Variants in CMIP observed in about 807,000 individuals in gnomAD.
The protein encoded by CMIP is c-Maf inducing protein.
Under a neutral mutation model 97.3 loss-of-function variants are expected in CMIP, and 13 were observed. The ratio of observed to expected loss-of-function variants is 0.13; its 90% CI spans 0.09 to 0.21. CMIP has a LOEUF of 0.21. Among genes scored for constraint, CMIP ranks in the 10% least tolerant of loss-of-function variants. The pLI is 1.00. For missense variants in CMIP, 847 were observed against 1,024.9 expected, an observed-to-expected ratio of 0.83 and a Z score of 2.37; for synonymous variants, 538 against 436.3, an observed-to-expected ratio of 1.23 and a Z score of -2.91.
At chr16:81,628,508 C>T (rs2092105341) in intron 3 of CMIP, among the ~76,000 whole-genome samples, 1 of 152,212 alleles carries the variant, frequency 6.6e-6, no homozygotes, top group African/African-American at 2.4e-5. Flanking sequence ...CTCCTCTTCT[C>T]CCTTTTTACT....
intron 1 of CMIP, among the ~76,000 whole-genome samples, chr16:81,560,981 G>A (rs564941496): frequency 1.3e-5 from 2 of 152,236 alleles, no homozygotes; most frequent in South Asian, 4.1e-4. Flanking sequence ...TCTTTTTGGA[G>A]ACAGTCTCCG....
chr16:81,545,631 C>T (rs907887577), intron 1 of CMIP, among the ~76,000 whole-genome samples: 9 of 152,164 alleles, frequency 5.9e-5, no homozygotes, highest in African/African-American at 1.9e-4. Flanking sequence ...CAGCACGGGG[C>T]GGACCTGCGA....
At chr16:81,490,388 G>T (rs1366394356) in intron 1 of CMIP, among the ~76,000 whole-genome samples, 5 of 152,228 alleles carry the variant, frequency 3.3e-5, no homozygotes. Flanking sequence ...GAGAGGCCAA[G>T]TTGGGCAAAT....
chr16:81,487,358 C>G (rs1003422930), intron 1 of CMIP, among the ~76,000 whole-genome samples: 1 of 152,234 alleles, frequency 6.6e-6, no homozygotes, highest in Admixed American at 6.5e-5. Flanking sequence ...CCGCTTCAAA[C>G]CTGGGTGGTC....
At chr16:81,583,579 G>C (rs973367684) in intron 1 of CMIP, among the ~76,000 whole-genome samples, 2 of 152,184 alleles carry the variant, frequency 1.3e-5, no homozygotes, top group African/African-American at 4.8e-5. Context: ...GACGTGGAGG[G>C]AGTGACTGAG....
intron 14 of CMIP, among the ~76,000 whole-genome samples, chr16:81,698,673 T>G (rs943794430): frequency 6.6e-6 from 1 of 152,160 alleles, no homozygotes; most frequent in African/African-American, 2.4e-5. Context: ...CTGAAGACAT[T>G]CATGTTGTAA....
intron 3 of CMIP, among the ~76,000 whole-genome samples, chr16:81,650,337 T>C (rs575228584): frequency 6.6e-6 from 1 of 151,906 alleles, no homozygotes; most frequent in Non-Finnish European, 1.5e-5. Flanking sequence ...TGATGTGCAA[T>C]GGGTGAATGG....
chr16:81,541,184 C>T (rs540997191), intron 1 of CMIP, among the ~76,000 whole-genome samples: 2 of 152,274 alleles, frequency 1.3e-5, no homozygotes, highest in Middle Eastern at 3.4e-3. Context: ...GTTCCTACCC[C>T]ATATCCCATC....
intron 1 of CMIP, among the ~76,000 whole-genome samples, chr16:81,511,551 C>T (rs907308986): frequency 1.3e-5 from 2 of 152,158 alleles, no homozygotes; most frequent in African/African-American, 4.8e-5. Context: ...AGATTTCCTG[C>T]ATACCTTGTG....
chr16:81,565,628 AC>A (rs1374834145), intron 1 of CMIP, among the ~76,000 whole-genome samples: 2 of 152,116 alleles, frequency 1.3e-5, no homozygotes, highest in African/African-American at 4.8e-5. Context: ...CCTAGTACAC[AC>A]ATGGCAGCCT....
intron 10 of CMIP, among the ~76,000 whole-genome samples, chr16:81,681,114 G>C (rs1372885696): frequency 6.6e-6 from 1 of 152,188 alleles, no homozygotes; most frequent in Non-Finnish European, 1.5e-5. Flanking sequence ...GTTCCCGATG[G>C]GGCTACGCAG....
At chr16:81,610,523 C>A in intron 2 of CMIP, 5 of 985,550 alleles carry the variant, frequency 5.1e-6, no homozygotes, top group Non-Finnish European at 4.8e-6. Flanking sequence ...CCCAACCCTT[C>A]CCCCAAGGGG....
intron 8 of CMIP, 99 bp downstream of exon 8, chr16:81,670,344 T>G (rs2092670477): frequency 3.2e-6 from 4 of 1,269,572 alleles, no homozygotes; most frequent in Non-Finnish European, 4.4e-6. Flanking sequence ...TGTAATTAAA[T>G]GAAGACTCCC....
intron 1 of CMIP, among the ~76,000 whole-genome samples, chr16:81,452,830 G>A (rs1906304417): frequency 6.6e-6 from 1 of 150,986 alleles, no homozygotes; most frequent in Non-Finnish European, 1.5e-5. Context: ...GCCCCGTAAA[G>A]CTTCCATTCT....
intron 1 of CMIP, among the ~76,000 whole-genome samples, chr16:81,472,465 C>T (rs753609045): frequency 2.6e-5 from 4 of 152,160 alleles, no homozygotes; most frequent in Non-Finnish European, 5.9e-5. Flanking sequence ...GGCCCATCTC[C>T]CCAGGGGTCC....
chr16:81,654,736 G>T (rs1438403187), intron 4 of CMIP, among the ~76,000 whole-genome samples: 3 of 152,224 alleles, frequency 2.0e-5, no homozygotes, highest in Non-Finnish European at 4.4e-5. Flanking sequence ...GAGAGGTTAA[G>T]TAGCTTACAC....
chr16:81,560,698 G>A (rs934006201), intron 1 of CMIP, among the ~76,000 whole-genome samples: 8 of 151,954 alleles, frequency 5.3e-5, no homozygotes, highest in African/African-American at 1.2e-4. Flanking sequence ...CAGGTAAATC[G>A]TTTTTATCAT....
chr16:81,698,858 C>T (rs957352108), intron 14 of CMIP, among the ~76,000 whole-genome samples: 1 of 152,200 alleles, frequency 6.6e-6, no homozygotes, highest in Non-Finnish European at 1.5e-5. Context: ...GTCAGAGTCT[C>T]CTTCTGCTTA....
intron 1 of CMIP, among the ~76,000 whole-genome samples, chr16:81,551,973 G>A (rs960267789): frequency 1.3e-5 from 2 of 152,228 alleles, no homozygotes; most frequent in Non-Finnish European, 2.9e-5. Context: ...GCAGTGTGCA[G>A]GGGGGCCCTG....
Sources: allele counts gnomAD v4.1 joint callset (sites outside exome capture counted in the v4.1 genomes callset), GRCh38; gene constraint gnomAD v4.1.1; transcripts MANE v1.5; gene names NCBI Gene and HGNC (gene_info 2026-07-23, HGNC 2026-07-21).